ACTR3B: variants seen among roughly 807,000 people sequenced by gnomAD.
ACTR3B encodes actin-related protein 3B.
ACTR3B carries 8 observed loss-of-function variants against 59.0 expected under a neutral mutation model. The observed-to-expected ratio is 0.14, with a 90% CI of 0.08 to 0.24. The LOEUF (loss-of-function observed/expected upper bound fraction) is 0.24. Among genes scored for constraint, ACTR3B ranks in the 10% least tolerant of loss-of-function variants. The pLI is 1.00. For synonymous variants in ACTR3B, 148 were observed against 197.9 expected (o/e 0.75, Z 2.12); for missense variants, 245 against 552.3 (o/e 0.44, Z 5.58).
At chr7:152,842,241 G>T (rs542743275) in intron 9 of ACTR3B, among the ~76,000 whole-genome samples, 10 of 152,220 alleles carry the variant, frequency 6.6e-5, no homozygotes, top group African/African-American at 2.4e-4. Flanking sequence ...TATAAATTAG[G>T]CACAGTAAGA....
intron 11 of ACTR3B, among the ~76,000 whole-genome samples, chr7:152,853,950 C>T (rs1382068966): frequency 6.6e-6 from 1 of 152,052 alleles, no homozygotes. Context: ...TCTCAAACTC[C>T]TGACCTCAGG....
At chr7:152,770,082 A>G (rs1003484181) in intron 1 of ACTR3B, among the ~76,000 whole-genome samples, 22 of 152,120 alleles carry the variant, frequency 1.4e-4, no homozygotes, top group African/African-American at 5.3e-4. Context: ...TATGTCTTAT[A>G]TCCTTTTCAT....
Position 152,853,561 on chromosome 7 carries a change from C to G in ACTR3B, c.1145C>G (p.Ser382Cys), listed in dbSNP as rs766677637. 6.2e-7 allele frequency: 1 copy of G among 1,613,836 alleles called. No homozygotes were observed. The highest frequency in any genetic ancestry group is 1.1e-5 in the South Asian group (1 of 90,984). The change falls in exon 11 of 12, where the codon TCC becomes TGC. Residue 382 changes from serine (S) to cysteine (C), a missense_variant. By Grantham distance (112) the Ser-to-Cys change is moderately radical. Coordinates refer to ENST00000256001, the MANE Select transcript of ACTR3B (RefSeq NM_020445.6). ...MQRYAVWFGGSMLASTPEFFQ... is the reference protein window; with the variant it reads ...MQRYAVWFGGCMLASTPEFFQ... ...CGCTACGCCGTGTGGTTCGGAGGCT[C>G]CATGCTGGCCTCGACTGTAAGTCCC...
rs140466976 is a variant in ACTR3B at position 152,823,190 on chromosome 7, T to C, written c.685-152T>C. On this transcript the variant is annotated intron_variant, in intron 7 of 11. Transcript: ENST00000256001. The stretch of plus-strand genomic sequence containing the variant: ...ATGTCTAACATGAAAGACGATGGAA[T>C]GTGAGGCTTGATGCATATCCACACT... The C allele has an allele frequency of 6.5e-3, 6,641 of 1,016,026 alleles. 65 individuals carry two copies. Among genetic ancestry groups the C allele is most frequent in the East Asian group, 0.049 (1,882 of 38,148 alleles). The allele number at this position is 1,016,026 out of a possible 1,614,324, so 62.9% of individuals were successfully genotyped here. A position where few individuals can be genotyped will look rare whatever the true frequency, so the allele number is the denominator to read the frequency against.
At chr7:152,852,603 C>T (rs753754461) in intron 10 of ACTR3B, among the ~76,000 whole-genome samples, 1 of 152,048 alleles carries the variant, frequency 6.6e-6, no homozygotes, top group African/African-American at 2.4e-5. Flanking sequence ...TCATGTCCTT[C>T]GGAAATGTTC....
chr7:152,822,593 C>G (rs1796264864), intron 7 of ACTR3B, among the ~76,000 whole-genome samples: 1 of 152,220 alleles, frequency 6.6e-6, no homozygotes, highest in African/African-American at 2.4e-5. Flanking sequence ...ACTTTATAAC[C>G]TACCATGTCA....
chr7:152,854,655 C>A lies in ACTR3B; in HGVS notation c.*102C>A. The A allele has an allele frequency of 7.9e-7, 1 of 1,261,652 alleles. No individual in the cohort carries two copies. The highest frequency in any genetic ancestry group is 1.1e-6 in the Non-Finnish European group (1 of 881,892). The allele number at this position is 1,261,652 out of a possible 1,614,324, so 78.2% of individuals were successfully genotyped here. A position where few individuals can be genotyped will look rare whatever the true frequency, so the allele number is the denominator to read the frequency against. On this transcript the variant is annotated 3_prime_UTR_variant, in exon 12 of 12. Coordinates refer to ENST00000256001, the MANE Select transcript of ACTR3B (RefSeq NM_020445.6). This position sits in a 1 kb window ranked among gnomAD's most constrained non-coding sequence, Gnocchi z 4.9. ...TCTGTAAATAGCGACGTCGGTGTTG[C>A]TGCCCAGCAGCGTGCTTGCATTGCC... is the stretch of plus-strand genomic sequence containing the variant.
chr7:152,765,446 A>C (rs1590188113), intron 1 of ACTR3B, among the ~76,000 whole-genome samples: 1 of 143,184 alleles, frequency 7.0e-6, no homozygotes, highest in Non-Finnish European at 1.5e-5. Context: ...TAGTCATTCC[A>C]CATATTGTGA....
rs1392855980 is a variant in ACTR3B, at chr7:152,759,783, C to T, written c.-100C>T. 1 of 977,298 alleles carries T rather than the reference C, an allele frequency of 1.0e-6. No individual in the cohort carries two copies. Among genetic ancestry groups the T allele is most frequent in the South Asian group, 4.7e-5 (1 of 21,112 alleles). The allele number at this position is 977,298 out of a possible 1,614,324, so 60.5% of individuals were successfully genotyped here. On this transcript the variant is annotated 5_prime_UTR_variant, in exon 1 of 12. Transcript: ENST00000256001. ...GCTCCCGGCAGCGGCGCTGCGGCGG[C>T]TCGCGGGAGACGCTGCGCGCGGGGC... is the stretch of plus-strand genomic sequence containing the variant.
intron 6 of ACTR3B, among the ~76,000 whole-genome samples, chr7:152,818,301 C>T (rs997671279): frequency 9.9e-5 from 15 of 152,232 alleles, no homozygotes; most frequent in African/African-American, 2.9e-4. Context: ...GATTTTTAAT[C>T]GTATCTTAGT....
intron 10 of ACTR3B, 76 bp downstream of exon 10, chr7:152,852,327 C>T (rs1001781499): frequency 9.3e-6 from 14 of 1,507,896 alleles, no homozygotes; most frequent in African/African-American, 2.8e-5. Context: ...GACACAGAGC[C>T]GAAGGAGCTT....
At chr7:152,814,706 G>C (rs1795545242) in intron 5 of ACTR3B, 61 bp downstream of exon 5, 1 of 1,401,470 alleles carries the variant, frequency 7.1e-7, no homozygotes, top group African/African-American at 1.5e-5. Context: ...CGGAAGAAAT[G>C]GTATTTCCCA....
At chr7:152,772,232 A>G (rs2098125773) in intron 1 of ACTR3B, among the ~76,000 whole-genome samples, 1 of 151,538 alleles carries the variant, frequency 6.6e-6, no homozygotes, top group Non-Finnish European at 1.5e-5. Flanking sequence ...TTAAGAATGT[A>G]GGGGGACTGG....
At chr7:152,766,288 G>A (rs1324454620) in intron 1 of ACTR3B, among the ~76,000 whole-genome samples, 1 of 152,220 alleles carries the variant, frequency 6.6e-6, no homozygotes, top group Non-Finnish European at 1.5e-5. Context: ...GTGACAACAC[G>A]TGTGCAATGC....
chr7:152,837,677 G>C (rs1193029353), intron 9 of ACTR3B, among the ~76,000 whole-genome samples: 3 of 152,216 alleles, frequency 2.0e-5, no homozygotes, highest in Non-Finnish European at 4.4e-5. Context: ...AGGAATGAGA[G>C]GCAGACTCTC....
intron 1 of ACTR3B, among the ~76,000 whole-genome samples, chr7:152,772,969 A>G (rs879145944): frequency 5.3e-5 from 8 of 150,584 alleles, no homozygotes; most frequent in African/African-American, 7.3e-5. Context: ...CAGAATATGT[A>G]GTTAAGGAAT....
At chr7:152,817,411 G>A (rs1435160391) in intron 6 of ACTR3B, among the ~76,000 whole-genome samples, 3 of 152,150 alleles carry the variant, frequency 2.0e-5, no homozygotes, top group Non-Finnish European at 2.9e-5. Context: ...AGCCAAGAAG[G>A]GGAGATTGTA....
intron 2 of ACTR3B, among the ~76,000 whole-genome samples, chr7:152,786,709 C>G (rs1282511505): frequency 6.6e-6 from 1 of 152,044 alleles, no homozygotes; most frequent in East Asian, 1.9e-4. Flanking sequence ...GACCTCTCTT[C>G]TTTTCCTCTT....
chr7:152,837,275 T>C (rs1481295818), intron 9 of ACTR3B, among the ~76,000 whole-genome samples: 2 of 152,262 alleles, frequency 1.3e-5, no homozygotes, highest in Non-Finnish European at 2.9e-5. Context: ...CACTGTTGCT[T>C]TACTTTGAGA....
Sources: allele counts gnomAD v4.1 joint callset (sites outside exome capture counted in the v4.1 genomes callset), GRCh38; gene constraint gnomAD v4.1.1; non-coding constraint Gnocchi (gnomAD v3.1); transcripts MANE v1.5; gene names NCBI Gene and HGNC (gene_info 2026-07-23, HGNC 2026-07-21).